LRP1B: variants seen among roughly 807,000 people sequenced by gnomAD.
LRP1B encodes low-density lipoprotein receptor-related protein 1B.
Under a neutral mutation model 556.6 loss-of-function variants are expected in LRP1B, and 217 were observed. The ratio of observed to expected loss-of-function variants is 0.39; its 90% CI spans 0.35 to 0.44. LRP1B has a LOEUF of 0.44. LRP1B is among the 20% of genes least tolerant of loss of function. The pLI is 1.00. For synonymous variants in LRP1B, 2,047 were observed against 1,865.8 expected (o/e 1.10, Z -2.50); for missense variants, 5,053 against 5,620.8 (o/e 0.90, Z 3.23).
At chr2:140,855,949 A>T (rs1573808111) in intron 27 of LRP1B, among the ~76,000 whole-genome samples, 1 of 152,308 alleles carries the variant, frequency 6.6e-6, no homozygotes, top group South Asian at 2.1e-4. Flanking sequence ...CAAGTATTGT[A>T]CAGATTTTCT....
intron 3 of LRP1B, among the ~76,000 whole-genome samples, chr2:141,329,772 T>A (rs924178234): frequency 6.6e-6 from 1 of 151,960 alleles, no homozygotes; most frequent in Non-Finnish European, 1.5e-5. Flanking sequence ...GGAACAAATA[T>A]CATCTGGATA....
intron 7 of LRP1B, among the ~76,000 whole-genome samples, chr2:141,138,953 T>C (rs1574114631): frequency 6.6e-6 from 1 of 151,936 alleles, no homozygotes; most frequent in East Asian, 1.9e-4. Flanking sequence ...GAGTGCCTAA[T>C]TTTAAGAATT....
chr2:141,406,845 T>G (rs1690660802), intron 3 of LRP1B, among the ~76,000 whole-genome samples: 1 of 152,086 alleles, frequency 6.6e-6, no homozygotes, highest in Non-Finnish European at 1.5e-5. Flanking sequence ...GTTCAGATAT[T>G]TATATGTGCT....
chr2:141,061,697 C>G (rs1490662778), intron 8 of LRP1B, among the ~76,000 whole-genome samples: 1 of 151,806 alleles, frequency 6.6e-6, no homozygotes, highest in Admixed American at 6.6e-5. Context: ...TAGTCCAGCT[C>G]CTCATGAATG....
At chr2:141,616,848 T>C (rs1688317464) in intron 2 of LRP1B, among the ~76,000 whole-genome samples, 2 of 152,208 alleles carry the variant, frequency 1.3e-5, no homozygotes, top group Non-Finnish European at 2.9e-5. Context: ...TCAGTACCAC[T>C]TATAAGTACT....
rs1011545259 is a variant in LRP1B, at chr2:141,964,681, G to C, written c.83-154280C>G. 6.8e-4 allele frequency among the ~76,000 whole-genome samples: 102 copies of C among 149,840 alleles called. No homozygotes were observed. In the Middle Eastern group the frequency reaches 0.018, roughly 26 times the overall value. Reference sequence around the variant, plus strand: ...AGGCATTACCATTCAGGACATAGGCGTGGGCAAGGACTTCATGTCCAAAAC... The same window carrying C: ...AGGCATTACCATTCAGGACATAGGCCTGGGCAAGGACTTCATGTCCAAAAC... On this transcript the variant is annotated intron_variant, in intron 1 of 90. Transcript: ENST00000389484.
At chr2:141,203,964 A>G (rs1290767168) in intron 6 of LRP1B, among the ~76,000 whole-genome samples, 6 of 152,220 alleles carry the variant, frequency 3.9e-5, no homozygotes, top group Non-Finnish European at 2.9e-5. Flanking sequence ...GCAGAAATAA[A>G]GATATTCTTT....
intron 1 of LRP1B, among the ~76,000 whole-genome samples, chr2:142,072,435 A>G (rs1705351883): frequency 6.6e-6 from 1 of 151,970 alleles, no homozygotes; most frequent in African/African-American, 2.4e-5. Flanking sequence ...AGTCTAGTCA[A>G]TTGCCAAACC....
Position 140,914,961 on chromosome 2 carries a change from A to G in LRP1B, c.3320-6884T>C, listed in dbSNP as rs1262738820. Among the ~76,000 whole-genome samples the G allele has an allele frequency of 2.0e-5, 3 of 152,174 alleles. No individual in the cohort carries two copies. The East Asian group carries it at 5.8e-4, about 29-fold the overall frequency. ...TATCATATCTATTCTACAGATCAGA[A>G]AGCGATAATGTAGAGAGGTTTAGTA... On this transcript the variant is annotated intron_variant, in intron 21 of 90. Coordinates refer to ENST00000389484, the MANE Select transcript of LRP1B (RefSeq NM_018557.3).
chr2:141,218,951 C>T (rs1429861748), intron 6 of LRP1B, among the ~76,000 whole-genome samples: 1 of 152,186 alleles, frequency 6.6e-6, no homozygotes, highest in Non-Finnish European at 1.5e-5. Context: ...TGAGGAAAAG[C>T]AGGGTGGTGC....
In LRP1B at chr2:141,526,817, T is replaced by G. The variant is rs374810025; in HGVS notation, c.206-46284A>C. 8.1e-4 allele frequency among the ~76,000 whole-genome samples: 123 copies of G among 152,238 alleles called. 3 individuals are homozygous for G. In the South Asian group the frequency reaches 0.025, roughly 31 times the overall value. On this transcript the variant is annotated intron_variant, in intron 2 of 90. Coordinates refer to ENST00000389484, the MANE Select transcript of LRP1B (RefSeq NM_018557.3). ...ACTGCTAGTCTCTATTTTTCCTGTT[T>G]TTCTTTGAATGCATAAAAATAAACA...
rs144575202 is a variant in LRP1B at position 141,027,037 on chromosome 2, G to GA, written c.1790-6936dup. On this transcript the variant is annotated intron_variant, in intron 11 of 90. Coordinates refer to ENST00000389484, the MANE Select transcript of LRP1B (RefSeq NM_018557.3). ...CAAATTTGACCTCTAGAATTGTAAA[G>GA]AAAAAAAATGATAAATAGAGGAAGG... Among the ~76,000 whole-genome samples, 1,214 of 151,514 alleles carry GA rather than the reference G, an allele frequency of 8.0e-3. 19 individuals carry two copies. The highest frequency in any genetic ancestry group is 0.028 in the African/African-American group (1,162 of 41,378).
At chr2:141,114,670 G>A (rs537884866) in intron 7 of LRP1B, among the ~76,000 whole-genome samples, 57 of 152,242 alleles carry the variant, frequency 3.7e-4, no homozygotes, top group Non-Finnish European at 7.8e-4. Flanking sequence ...ATATTAGAGT[G>A]TGAAAACAGG....
Position 141,112,060 on chromosome 2 carries a change from AAATAAATAAAT to A in LRP1B, c.1014-49798_1014-49788del, listed in dbSNP as rs1403708743. Among the ~76,000 whole-genome samples, 579 of 85,262 alleles carry A rather than the reference AAATAAATAAAT, an allele frequency of 6.8e-3. 4 individuals carry two copies. Among genetic ancestry groups the A allele is most frequent in the African/African-American group, 0.022 (540 of 24,594 alleles). 55.9% of individuals were successfully genotyped at this position (85,262 alleles called of 152,430 possible). Reference sequence around the variant, plus strand: ...GACCCTGCCTCAAAAATAAATAAATAAATAAATAAATAATAAATAAATAAATAAATAAATAA... The same window carrying A: ...GACCCTGCCTCAAAAATAAATAAATAAATAAATAAATAAATAAATAAATAA... On this transcript the variant is annotated intron_variant, in intron 7 of 90. Transcript: ENST00000389484.
intron 2 of LRP1B, among the ~76,000 whole-genome samples, chr2:141,728,342 G>C (rs541261382): frequency 1.4e-5 from 2 of 148,082 alleles, no homozygotes; most frequent in African/African-American, 4.9e-5. Context: ...CAGAGCAGCC[G>C]TGCCTCCCTT....
chr2:140,986,666 G>A (rs60047991), intron 17 of LRP1B, among the ~76,000 whole-genome samples: 11,184 of 152,142 alleles, frequency 0.074, 566 homozygotes, highest in African/African-American at 0.14. Context: ...CTTCCCATGT[G>A]CTTCCATGTG....
intron 41 of LRP1B, among the ~76,000 whole-genome samples, chr2:140,619,629 C>T (rs1470320542): frequency 6.6e-6 from 1 of 152,144 alleles, no homozygotes; most frequent in Non-Finnish European, 1.5e-5. Flanking sequence ...TAATAACCAG[C>T]AGTTCCTTAA....
At chr2:141,998,747 G>A (rs1279972513) in intron 1 of LRP1B, among the ~76,000 whole-genome samples, 1 of 152,156 alleles carries the variant, frequency 6.6e-6, no homozygotes, top group African/African-American at 2.4e-5. Context: ...GAAGGTCGTA[G>A]GAGAGGACCT....
At chr2:141,312,632 T>C (rs1686855483) in intron 3 of LRP1B, among the ~76,000 whole-genome samples, 1 of 152,162 alleles carries the variant, frequency 6.6e-6, no homozygotes, top group Admixed American at 6.6e-5. Context: ...GTTGCATTAG[T>C]AAGTATTTTT....
Sources: allele counts gnomAD v4.1 joint callset (sites outside exome capture counted in the v4.1 genomes callset), GRCh38; gene constraint gnomAD v4.1.1; transcripts MANE v1.5; gene names NCBI Gene and HGNC (gene_info 2026-07-23, HGNC 2026-07-21).